WDFY3: variants seen among roughly 807,000 people sequenced by gnomAD.
The protein encoded by WDFY3 is WD repeat and FYVE domain-containing protein 3.
WDFY3 carries 66 observed loss-of-function variants against 409.6 expected under a neutral mutation model. The ratio of observed to expected loss-of-function variants is 0.16; its 90% confidence interval spans 0.13 to 0.20. The LOEUF (loss-of-function observed/expected upper bound fraction) is 0.20, where lower values mean the gene tolerates loss of function less well. Among genes scored for constraint, WDFY3 ranks in the 10% least tolerant of loss-of-function variants. The probability of loss-of-function intolerance (pLI) is 1.00; values close to 1 mark genes in which losing one functional copy is unlikely to be tolerated. For missense variants in WDFY3, 3,031 were observed against 4,298.1 expected (o/e 0.71, Z 8.24); for synonymous variants, 1,521 against 1,537.1 (o/e 0.99, Z 0.25).
chr4:84,943,354 A>T (rs970600626), intron 1 of WDFY3, among the ~76,000 whole-genome samples: 1 of 151,992 alleles, frequency 6.6e-6, no homozygotes, highest in Non-Finnish European at 1.5e-5. Context: ...ATACAAAAAA[A>T]CTAGCTGGGC....
chr4:84,936,421 T>A lies in WDFY3; in HGVS notation c.-225-4058A>T, dbSNP rs147923423. ...CTGTAGTCCTAGGTACTTAGGAGTCTGAGGCAGGAGGATCACTTAAGTCCA... is the reference window on the plus strand; with the variant it reads ...CTGTAGTCCTAGGTACTTAGGAGTCAGAGGCAGGAGGATCACTTAAGTCCA... On this transcript the variant is annotated intron_variant, in intron 1 of 67. Coordinates refer to ENST00000295888, the MANE Select transcript of WDFY3 (RefSeq NM_014991.6). Among the ~76,000 whole-genome samples the A allele has an allele frequency of 9.6e-3, 1,462 of 152,170 alleles. 23 individuals carry two copies. Among genetic ancestry groups the A allele is most frequent in the African/African-American group, 0.033 (1,370 of 41,524 alleles).
chr4:84,881,834 T>C (rs1358904578), intron 3 of WDFY3, among the ~76,000 whole-genome samples: 2 of 151,844 alleles, frequency 1.3e-5, no homozygotes, highest in Non-Finnish European at 2.9e-5. Flanking sequence ...TGAGCTGAGA[T>C]TGTGCCACTG....
rs1760441149 is a variant in WDFY3 at position 84,860,407 on chromosome 4, C to T, written c.180+5G>A. ...GAAGGTGTGTGTCTGGCAACCTGGA[C>T]TTACCCTGTTAAACACTGGCAGCAT... On this transcript the variant is annotated splice_donor_5th_base_variant and intron_variant, in intron 4 of 67. Coordinates refer to ENST00000295888, the MANE Select transcript of WDFY3 (RefSeq NM_014991.6). 1.9e-6 allele frequency: 3 copies of T among 1,609,516 alleles called. No homozygotes were observed. The highest frequency in any genetic ancestry group is 2.5e-6 in the Non-Finnish European group (3 of 1,176,642).
chr4:84,723,313 C>A (rs957336439), intron 46 of WDFY3, among the ~76,000 whole-genome samples: 3 of 152,210 alleles, frequency 2.0e-5, no homozygotes, highest in African/African-American at 7.2e-5. Flanking sequence ...ACAGGAGAAA[C>A]TGATCACAAT....
chr4:84,791,579 A>G (rs1382468394), intron 21 of WDFY3, among the ~76,000 whole-genome samples: 2 of 151,978 alleles, frequency 1.3e-5, no homozygotes, highest in East Asian at 1.9e-4. Flanking sequence ...ATTTGGTTAC[A>G]GTATGGGTTA....
At position 84,741,848 on chromosome 4, in the gene WDFY3, T is replaced by C; in HGVS notation, c.6147A>G (p.Thr2049=). Residue 2049 remains threonine, a synonymous_variant, in exon 38 of 68, where the codon ACA becomes ACG. Transcript: ENST00000295888. ...GCCAAAGCTTGTCCACCACACGCTGTGTGAAATAAAACACATTGTTCACCA... is the reference window on the plus strand; with the variant it reads ...GCCAAAGCTTGTCCACCACACGCTGCGTGAAATAAAACACATTGTTCACCA... ...QVLVNNVFYF[T]QRVVDKLWQG... is the part of the protein sequence containing the mutation. The C allele has an allele frequency of 6.2e-7, 1 of 1,613,354 alleles. No homozygotes were observed. The highest frequency in any genetic ancestry group is 8.5e-7 in the Non-Finnish European group (1 of 1,179,396).
At chr4:84,796,363 T>C (rs533121839) in intron 19 of WDFY3, among the ~76,000 whole-genome samples, 158 bp downstream of exon 19, 20 of 152,266 alleles carry the variant, frequency 1.3e-4, no homozygotes, top group African/African-American at 4.8e-4. Context: ...TTAAATGTAG[T>C]AATCTTAAAA....
At chr4:84,695,499 C>CAGAGAGAGAGAGAGAG (rs1217791319) in intron 58 of WDFY3, among the ~76,000 whole-genome samples, 6 of 73,048 alleles carry the variant, frequency 8.2e-5, no homozygotes, top group Admixed American at 1.3e-4. Context: ...CACACAGAGA[C>CAGAGAGAGAGAGAGAG]AGAGAGAGAT....
chr4:84,867,250 T>TA (rs1356196981), intron 3 of WDFY3, among the ~76,000 whole-genome samples: 1 of 152,196 alleles, frequency 6.6e-6, no homozygotes, highest in Non-Finnish European at 1.5e-5. Flanking sequence ...GGAAATACTA[T>TA]AAGCCCCTAC....
intron 21 of WDFY3, among the ~76,000 whole-genome samples, chr4:84,792,799 A>G (rs1382571254): frequency 6.6e-6 from 1 of 152,158 alleles, no homozygotes; most frequent in Non-Finnish European, 1.5e-5. Flanking sequence ...ATTCCCCATT[A>G]TTATTCACTT....
intron 24 of WDFY3, among the ~76,000 whole-genome samples, chr4:84,783,912 A>T (rs554748363): frequency 6.6e-6 from 1 of 150,738 alleles, no homozygotes; most frequent in Non-Finnish European, 1.5e-5. Context: ...AGCTCTGCGT[A>T]AGAGTTGTCA....
rs765119277 is a variant in WDFY3 at position 84,735,024 on chromosome 4, G to A, written c.6993+19C>T. On this transcript the variant is annotated intron_variant, in intron 43 of 67. Transcript: ENST00000295888. Reference sequence around the variant, plus strand: ...CAAAAAATGTAAAACAAACCATTATGATGATTATAAGTCCTTACCTCCTGA... The same window carrying A: ...CAAAAAATGTAAAACAAACCATTATAATGATTATAAGTCCTTACCTCCTGA... 2 of 1,596,290 alleles carry A rather than the reference G, an allele frequency of 1.3e-6. No homozygotes were observed. Among genetic ancestry groups the A allele is most frequent in the Non-Finnish European group, 8.6e-7 (1 of 1,166,780 alleles).
intron 34 of WDFY3, among the ~76,000 whole-genome samples, chr4:84,754,736 ATTGTT>A (rs1314642343): frequency 6.6e-6 from 1 of 152,190 alleles, no homozygotes; most frequent in Non-Finnish European, 1.5e-5. Context: ...TGAAACTTGT[ATTGTT>A]AACATTTCTG....
intron 2 of WDFY3, among the ~76,000 whole-genome samples, chr4:84,898,963 T>C (rs530227765): frequency 6.6e-6 from 1 of 152,186 alleles, no homozygotes; most frequent in African/African-American, 2.4e-5. Flanking sequence ...ACAGTCTGGG[T>C]TTAGCTTCCA....
At chr4:84,884,879 T>G (rs1364069493) in intron 3 of WDFY3, among the ~76,000 whole-genome samples, 1 of 152,188 alleles carries the variant, frequency 6.6e-6, no homozygotes, top group East Asian at 1.9e-4. Context: ...TCACTAATTT[T>G]AGAATACAAT....
At chr4:84,840,712 G>C (rs1436775639) in intron 6 of WDFY3, among the ~76,000 whole-genome samples, 2 of 151,474 alleles carry the variant, frequency 1.3e-5, no homozygotes, top group African/African-American at 4.8e-5. Flanking sequence ...GAACAGCTGG[G>C]ACTTCAGGTG....
chr4:84,735,401 C>T (rs374026064), intron 42 of WDFY3, among the ~76,000 whole-genome samples: 4 of 152,116 alleles, frequency 2.6e-5, no homozygotes, highest in East Asian at 1.9e-4. Context: ...AGAGGGCCGA[C>T]GGGGTGCCCC....
rs1254101073 is a variant in WDFY3 at position 84,808,398 on chromosome 4, G to A, written c.2365C>T (p.Pro789Ser). 1 of 1,613,918 alleles carries A rather than the reference G, an allele frequency of 6.2e-7. No homozygotes were observed. The highest frequency in any genetic ancestry group is 8.5e-7 in the Non-Finnish European group (1 of 1,179,844). The change falls in exon 15 of 68, where the codon CCT becomes TCT. Residue 789 changes from proline to serine, a missense_variant. By Grantham distance (74) the Pro-to-Ser change is moderately conservative. Transcript: ENST00000295888. ...SFDSRAEQIP[P>S]CLTSESSLPS... ...AGAGAAGACTCACTTGTCAGGCAAG[G>A]AGGGATCTGTTCTGCACGACTACAG...
chr4:84,885,328 A>ATG (rs1491377507), intron 3 of WDFY3, among the ~76,000 whole-genome samples: 9 of 80,874 alleles, frequency 1.1e-4, no homozygotes, highest in East Asian at 7.3e-4. Context: ...ATACATATAC[A>ATG]TATGTGTGTG....
Sources: allele counts gnomAD v4.1 joint callset (sites outside exome capture counted in the v4.1 genomes callset), GRCh38; gene constraint gnomAD v4.1.1; transcripts MANE v1.5; gene names NCBI Gene and HGNC (gene_info 2026-07-23, HGNC 2026-07-21).